The following TAFA2 variants were observed in gnomAD, a reference collection of about 807,000 sequenced individuals.
The protein encoded by TAFA2 is chemokine-like protein TAFA-2.
A neutral mutation model predicts 18.8 loss-of-function variants in TAFA2; 7 were observed. The observed-to-expected ratio is 0.37, with a 90% confidence interval of 0.21 to 0.70. The LOEUF is 0.70. Ranked by LOEUF, TAFA2 falls within the 30% of genes least tolerant of loss-of-function variation. The pLI is 0.53. For missense variants in TAFA2, 122 were observed against 158.1 expected, an observed-to-expected ratio of 0.77 and a Z score of 1.23; for synonymous variants, 60 against 54.2, an observed-to-expected ratio of 1.11 and a Z score of -0.47.
At chr12:61,731,547 A>G (rs1425627635) in intron 4 of TAFA2, among the ~76,000 whole-genome samples, 4 of 152,060 alleles carry the variant, frequency 2.6e-5, no homozygotes, top group African/African-American at 7.2e-5. Flanking sequence ...TACTCAAGGA[A>G]TCCTGAAACC....
intron 2 of TAFA2, among the ~76,000 whole-genome samples, chr12:61,789,215 C>T (rs1282942312): frequency 2.6e-5 from 4 of 151,836 alleles, no homozygotes; most frequent in African/African-American, 7.3e-5. Context: ...GAAGTCTTTG[C>T]CCATGCCTAT....
At chr12:61,782,836 T>C (rs542803919) in intron 2 of TAFA2, among the ~76,000 whole-genome samples, 40 of 151,910 alleles carry the variant, frequency 2.6e-4, no homozygotes, top group African/African-American at 9.2e-4. Context: ...GCAGTATTTA[T>C]AAGCTAGGTG....
At position 61,900,306 on chromosome 12, in the gene TAFA2, A is replaced by T. The variant is rs369728299; in HGVS notation, c.-1-32880T>A. ...ATAGTTTTCCAAAGTGATTATCCTA[A>T]TTTACATCCCCACCAGCAACAATGT... On this transcript the variant is annotated intron_variant, in intron 1 of 4. Transcript: ENST00000416284. Among the ~76,000 whole-genome samples, 58 of 152,286 alleles carry T rather than the reference A, an allele frequency of 3.8e-4. 5 individuals carry two copies. The highest frequency in any genetic ancestry group is 3.7e-3 in the East Asian group (19 of 5,184).
At chr12:61,877,977 T>C in intron 1 of TAFA2, 1 of 444,530 alleles carries the variant, frequency 2.2e-6, no homozygotes, top group South Asian at 1.6e-5. Flanking sequence ...AGTGGAATAT[T>C]ATTCAGCCTT....
At chr12:62,053,068 A>T (rs1056324472) in intron 1 of TAFA2, among the ~76,000 whole-genome samples, 2 of 152,204 alleles carry the variant, frequency 1.3e-5, no homozygotes, top group African/African-American at 4.8e-5. Context: ...AAGATTCAAA[A>T]TTTAATTTCC....
intron 2 of TAFA2, among the ~76,000 whole-genome samples, chr12:61,788,851 T>C (rs1592389267): frequency 6.6e-6 from 1 of 151,828 alleles, no homozygotes; most frequent in East Asian, 1.9e-4. Context: ...AAATATAAAA[T>C]CTGAACAAAC....
intron 2 of TAFA2, among the ~76,000 whole-genome samples, chr12:61,804,371 A>G (rs1167990769): frequency 1.3e-5 from 2 of 152,032 alleles, no homozygotes; most frequent in Non-Finnish European, 2.9e-5. Flanking sequence ...ATTCTGGTTT[A>G]TGCTGCTTTC....
At chr12:61,917,166 A>T (rs978709346) in intron 1 of TAFA2, among the ~76,000 whole-genome samples, 1 of 152,360 alleles carries the variant, frequency 6.6e-6, no homozygotes, top group South Asian at 2.1e-4. Flanking sequence ...CTGCCTTGAC[A>T]GCACAGATCT....
At chr12:62,079,729 G>A (rs1868291946) in intron 1 of TAFA2, among the ~76,000 whole-genome samples, 1 of 151,782 alleles carries the variant, frequency 6.6e-6, no homozygotes, top group Non-Finnish European at 1.5e-5. Flanking sequence ...CAACATTCCT[G>A]TCTCAAAATA....
intron 4 of TAFA2, among the ~76,000 whole-genome samples, chr12:61,721,870 G>A (rs972337774): frequency 1.3e-4 from 19 of 151,934 alleles, no homozygotes; most frequent in African/African-American, 3.4e-4. Context: ...CAGGAAAATC[G>A]CTTGAACCTG....
intron 1 of TAFA2, among the ~76,000 whole-genome samples, chr12:62,095,014 G>C (rs1414347994): frequency 6.6e-6 from 1 of 152,070 alleles, no homozygotes; most frequent in African/African-American, 2.4e-5. Flanking sequence ...AAGAATATTT[G>C]TAATTGTATC....
At chr12:61,845,785 T>G (rs1032336332) in intron 2 of TAFA2, among the ~76,000 whole-genome samples, 1 of 152,130 alleles carries the variant, frequency 6.6e-6, no homozygotes, top group Non-Finnish European at 1.5e-5. Context: ...AAGTCTAAAG[T>G]GTTTTGTTAC....
intron 1 of TAFA2, among the ~76,000 whole-genome samples, chr12:62,064,326 C>CA (rs879907372): frequency 1.3e-5 from 2 of 151,940 alleles, no homozygotes; most frequent in African/African-American, 4.8e-5. Flanking sequence ...TACATATACA[C>CA]AAAAAAGTTT....
intron 1 of TAFA2, among the ~76,000 whole-genome samples, chr12:61,993,091 C>T (rs1338474502): frequency 6.6e-6 from 1 of 152,192 alleles, no homozygotes; most frequent in African/African-American, 2.4e-5. Flanking sequence ...TAACCAGAGG[C>T]TGTCCTCTTT....
chr12:61,926,560 G>A (rs1011663547), intron 1 of TAFA2, among the ~76,000 whole-genome samples: 7 of 152,028 alleles, frequency 4.6e-5, no homozygotes, highest in African/African-American at 1.7e-4. Flanking sequence ...ATCAATAAAT[G>A]GAATCCATTA....
At chr12:61,760,365 A>ATATATATATATATATATATATATATATAT (rs1869483548) in intron 2 of TAFA2, among the ~76,000 whole-genome samples, 1 of 122,180 alleles carries the variant, frequency 8.2e-6, no homozygotes, top group Non-Finnish European at 1.8e-5. Context: ...AAAATATCAA[A>ATATATATATATATATATATATATATATAT]ATATATATAT....
intron 2 of TAFA2, among the ~76,000 whole-genome samples, chr12:61,851,562 G>A (rs1873649180): frequency 6.7e-6 from 1 of 149,570 alleles, no homozygotes; most frequent in African/African-American, 2.5e-5. Flanking sequence ...GGATCACGAG[G>A]TCAGGAAATC....
At chr12:62,218,531 C>A (rs548252832) in intron 1 of TAFA2, among the ~76,000 whole-genome samples, 1 of 152,094 alleles carries the variant, frequency 6.6e-6, no homozygotes, top group Non-Finnish European at 1.5e-5. Flanking sequence ...TAACCCAACC[C>A]GTACTGTGTT....
intron 2 of TAFA2, among the ~76,000 whole-genome samples, chr12:61,852,854 G>C (rs1873731593): frequency 6.6e-6 from 1 of 152,090 alleles, no homozygotes; most frequent in Non-Finnish European, 1.5e-5. Flanking sequence ...GGAAGATACA[G>C]TATTCTAAAA....
Sources: gnomAD v4.1 joint callset for allele counts (sites outside exome capture counted in the v4.1 genomes callset) on GRCh38, gnomAD v4.1.1 for gene constraint, MANE v1.5 for transcripts, NCBI Gene and HGNC (gene_info 2026-07-23, HGNC 2026-07-21) for gene names.